Variants in DENND4A observed in about 807,000 individuals in gnomAD.
DENND4A encodes DENN domain containing 4A.
A neutral mutation model predicts 199.3 loss-of-function variants in DENND4A; 70 were observed. The observed-to-expected ratio is 0.35, with a 90% CI of 0.29 to 0.43. The LOEUF is 0.43. Ranked by LOEUF, DENND4A falls within the 20% of genes least tolerant of loss-of-function variation. The pLI, the probability that DENND4A is intolerant of heterozygous loss-of-function variation, is 1.00. For missense variants in DENND4A, 1,723 were observed against 2,255.8 expected (o/e 0.76, Z 4.78); for synonymous variants, 686 against 766.9 (o/e 0.89, Z 1.74).
chr15:65,694,842 T>G (rs1428833319), intron 22 of DENND4A, among the ~76,000 whole-genome samples: 1 of 152,198 alleles, frequency 6.6e-6, no homozygotes, highest in Non-Finnish European at 1.5e-5. Context: ...TTGTTCAGCA[T>G]ATAGGGTAAC....
intron 29 of DENND4A, 30 bp from the exon 30 acceptor site, chr15:65,665,492 A>G: frequency 6.6e-7 from 1 of 1,510,856 alleles, no homozygotes; most frequent in Non-Finnish European, 9.1e-7. Flanking sequence ...TTCATTAATG[A>G]TCCTTACATG....
chr15:65,786,383 C>T (rs1423151033), intron 1 of DENND4A, among the ~76,000 whole-genome samples: 1 of 152,096 alleles, frequency 6.6e-6, no homozygotes, highest in South Asian at 2.1e-4. Context: ...CTAGAACATA[C>T]ATGTTTTGTT....
intron 13 of DENND4A, among the ~76,000 whole-genome samples, chr15:65,717,419 G>A (rs1240211286): frequency 6.6e-6 from 1 of 152,082 alleles, no homozygotes; most frequent in Non-Finnish European, 1.5e-5. Flanking sequence ...TAAAACAAAT[G>A]AGGTTATTCA....
intron 5 of DENND4A, among the ~76,000 whole-genome samples, chr15:65,740,572 T>C (rs1366715542): frequency 6.7e-6 from 1 of 148,904 alleles, no homozygotes; most frequent in Admixed American, 6.7e-5. Context: ...AAGGTTGCAG[T>C]GAACTATGAT....
Position 65,690,838 on chromosome 15 carries a change from A to G in DENND4A, c.3756T>C (p.Ile1252=), listed in dbSNP as rs1648741546. The change falls in exon 23 of 33, where the codon ATT becomes ATC. Residue 1252 remains isoleucine (I), a synonymous_variant. Transcript: ENST00000443035. ...TGCTCATGTTATTCATATACATCAC[A>G]ATTTCTTCAGCTAAATCACGCCTAG... ...PSARRDLAEE[I]VMYMNNMSSP... is the part of the protein sequence containing the mutation. 2.5e-6 allele frequency: 4 copies of G among 1,613,018 alleles called. No individual in the cohort carries two copies. In the South Asian group the frequency reaches 4.4e-5, roughly 18 times the overall value.
chr15:65,702,415 T>G lies in DENND4A; in HGVS notation c.2320A>C (p.Ile774Leu). Residue 774 changes from isoleucine (I) to leucine (L), a missense_variant, in exon 17 of 33, where the codon ATT becomes CTT. Ile to Leu is a conservative substitution (Grantham distance 5, BLOSUM62 2). Coordinates refer to ENST00000443035, the MANE Select transcript of DENND4A (RefSeq NM_001320835.1). ...LLRHCYGLWF[I>L]CLPAYVKVCH... ...ACTTTCACATAAGCTGGGAGACAAA[T>G]AAACCACAGTCCATAACAGTGGCGC... is the stretch of plus-strand genomic sequence containing the variant. 6.3e-7 allele frequency: 1 copy of G among 1,582,026 alleles called. No homozygotes were observed. Among genetic ancestry groups the G allele is most frequent in the Non-Finnish European group, 8.6e-7 (1 of 1,163,552 alleles).
At chr15:65,772,340 T>C (rs2077156325) in intron 1 of DENND4A, among the ~76,000 whole-genome samples, 1 of 152,190 alleles carries the variant, frequency 6.6e-6, no homozygotes, top group Non-Finnish European at 1.5e-5. Context: ...TCCCTTTCTA[T>C]GTTTAGAAAA....
chr15:65,722,325 C>T lies in DENND4A; in HGVS notation c.1588+523G>A, dbSNP rs571904482. 9.9e-5 allele frequency among the ~76,000 whole-genome samples: 15 copies of T among 152,128 alleles called. No individual in the cohort carries two copies. In the East Asian group the frequency reaches 1.4e-3, roughly 14 times the overall value. ...GTAACAAATTAAAAAATTAGCCAGG[C>T]GTAGTGCCTCATTGTGTCTGTAGTC... On this transcript the variant is annotated intron_variant, in intron 12 of 32. Transcript: ENST00000443035.
intron 22 of DENND4A, 44 bp from the exon 23 acceptor site, chr15:65,691,555 C>A: frequency 6.8e-7 from 1 of 1,473,792 alleles, no homozygotes; most frequent in Non-Finnish European, 9.0e-7. Context: ...AATATAATAG[C>A]AAATATAAGT....
intron 27 of DENND4A, among the ~76,000 whole-genome samples, chr15:65,668,659 A>G (rs1039521570): frequency 2.0e-5 from 3 of 152,214 alleles, no homozygotes; most frequent in Admixed American, 6.5e-5. Flanking sequence ...TGTCTCTACT[A>G]AAAATAGAAA....
At position 65,664,625 on chromosome 15, in the gene DENND4A, A is replaced by G. The variant is rs768598715; in HGVS notation, c.5457T>C (p.Asp1819=). The part of the protein sequence containing the change: ...KSMVKSIKMN[D]VYGPMSQILE... ...AAATCTGACTCATTGGTCCATAGAC[A>G]TCATTCATTTTAATGCTTTTTACCA... The change falls in exon 31 of 33, where the codon GAT becomes GAC. Residue 1819 remains aspartate, a synonymous_variant. Transcript: ENST00000443035. 58 of 1,612,856 alleles carry G rather than the reference A, an allele frequency of 3.6e-5. No individual in the cohort carries two copies. In the Admixed American group the frequency reaches 9.5e-4, roughly 26 times the overall value.
intron 4 of DENND4A, among the ~76,000 whole-genome samples, chr15:65,742,911 T>G (rs2076297197): frequency 6.6e-6 from 1 of 152,232 alleles, no homozygotes; most frequent in Non-Finnish European, 1.5e-5. Context: ...ATATACATAA[T>G]TTATTTAAAA....
intron 1 of DENND4A, among the ~76,000 whole-genome samples, chr15:65,782,667 T>C (rs1446936228): frequency 8.6e-5 from 13 of 151,846 alleles, no homozygotes; most frequent in Non-Finnish European, 2.9e-5. Flanking sequence ...AAAAATAAAA[T>C]AAAAATAAAT....
chr15:65,723,561 T>C (rs1218120241), intron 11 of DENND4A, among the ~76,000 whole-genome samples: 5 of 152,152 alleles, frequency 3.3e-5, no homozygotes, highest in Non-Finnish European at 5.9e-5. Context: ...TTAAAAATGA[T>C]AAAGCAGTTT....
In DENND4A at chr15:65,696,412, A is replaced by G. The variant is rs754772712; in HGVS notation, c.3036T>C (p.Thr1012=). The change falls in exon 22 of 33, where the codon ACT becomes ACC. Residue 1012 remains threonine (T), a synonymous_variant. Transcript: ENST00000443035. ...TACCAGCACTGTTGTTACTTGTACC[A>G]GTGAGGCGAACGATACTGGAAGAAT... ...YQNSSSIVRL[T]GTSNNSAGKI... 1.9e-6 allele frequency: 3 copies of G among 1,612,758 alleles called. No homozygotes were observed. In the Admixed American group the frequency reaches 5.0e-5, roughly 27 times the overall value.
At chr15:65,746,760 G>T (rs1024591210) in intron 4 of DENND4A, among the ~76,000 whole-genome samples, 1 of 151,514 alleles carries the variant, frequency 6.6e-6, no homozygotes, top group Non-Finnish European at 1.5e-5. Context: ...CATGTGGAAA[G>T]AGTATTTAAA....
rs1408899799 is a variant in DENND4A at position 65,661,168 on chromosome 15, AG to A, written c.*682del. On this transcript the variant is annotated 3_prime_UTR_variant, in exon 33 of 33. Coordinates refer to ENST00000443035, the MANE Select transcript of DENND4A (RefSeq NM_001320835.1). ...TAACTCACTCCCCACACTCAGGCTT[AG>A]GGGTACTAACATGCAATCCTAGGAC... is the stretch of plus-strand genomic sequence containing the variant. 1 of 152,134 alleles carries A rather than the reference AG, an allele frequency of 6.6e-6. No individual in the cohort carries two copies. Among genetic ancestry groups the A allele is most frequent in the Admixed American group, 6.6e-5 (1 of 15,264 alleles). 9.4% of individuals were successfully genotyped at this position (152,134 alleles called of 1,614,324 possible).
At chr15:65,745,486 G>A (rs1488539253) in intron 4 of DENND4A, among the ~76,000 whole-genome samples, 1 of 152,024 alleles carries the variant, frequency 6.6e-6, no homozygotes, top group African/African-American at 2.4e-5. Flanking sequence ...ATGAACATAA[G>A]CAACATTTAA....
At chr15:65,694,198 C>A (rs1362593174) in intron 22 of DENND4A, among the ~76,000 whole-genome samples, 4 of 152,150 alleles carry the variant, frequency 2.6e-5, no homozygotes, top group African/African-American at 7.2e-5. Flanking sequence ...CCTGTAATCC[C>A]AACACTTTGG....
Sources: gnomAD v4.1 joint callset for allele counts (sites outside exome capture counted in the v4.1 genomes callset) on GRCh38, gnomAD v4.1.1 for gene constraint, MANE v1.5 for transcripts, NCBI Gene and HGNC (gene_info 2026-07-23, HGNC 2026-07-21) for gene names.